Variants in ITPRID2 observed in about 807,000 individuals in gnomAD.
ITPRID2 encodes the protein ITPR interacting domain containing 2.
ITPRID2 carries 60 observed loss-of-function variants against 124.3 expected under a neutral mutation model. That is an observed-to-expected ratio of 0.48 (90% CI 0.39 to 0.60). ITPRID2 has a LOEUF of 0.60. Among genes scored for constraint, ITPRID2 ranks in the 20% least tolerant of loss-of-function variants. The pLI, the probability that ITPRID2 is intolerant of heterozygous loss-of-function variation, is 0.00. For synonymous variants in ITPRID2, 521 were observed against 542.9 expected, an observed-to-expected ratio of 0.96 and a Z score of 0.56; for missense variants, 1,553 against 1,512.2, an observed-to-expected ratio of 1.03 and a Z score of -0.45.
chr2:181,921,327 A>G (rs1335489604), intron 15 of ITPRID2, among the ~76,000 whole-genome samples: 1 of 151,904 alleles, frequency 6.6e-6, no homozygotes, highest in African/African-American at 2.4e-5. Flanking sequence ...AAAATACAAA[A>G]ATTAGCTGGG....
At chr2:181,929,159 G>A (rs1695101301) in intron 17 of ITPRID2, among the ~76,000 whole-genome samples, 1 of 151,290 alleles carries the variant, frequency 6.6e-6, no homozygotes. Flanking sequence ...CTAGCCTCAA[G>A]CGATCCTCCT....
rs147662500 is a variant in ITPRID2 at position 181,921,853 on chromosome 2, T to C, written c.3211-95T>C. On this transcript the variant is annotated intron_variant, in intron 15 of 17. Transcript: ENST00000431877. Reference sequence around the variant, plus strand: ...TAGATTTATGTCTTTACAAATTACATGATTTTAGGCAATAATGACAACCAG... The same window carrying C: ...TAGATTTATGTCTTTACAAATTACACGATTTTAGGCAATAATGACAACCAG... 5.8e-4 allele frequency: 618 copies of C among 1,057,486 alleles called. 3 individuals carry two copies. The highest frequency in any genetic ancestry group is 3.9e-3 in the Middle Eastern group (13 of 3,358). The allele number at this position is 1,057,486 out of a possible 1,614,324, so 65.5% of individuals were successfully genotyped here.
At chr2:181,929,361 G>A (rs1375053424) in intron 17 of ITPRID2, among the ~76,000 whole-genome samples, 200 bp from the exon 18 acceptor site, 1 of 151,930 alleles carries the variant, frequency 6.6e-6, no homozygotes, top group East Asian at 1.9e-4. Flanking sequence ...AATAAATTAT[G>A]TCACAAAGCA....
chr2:181,897,871 TTAGTTC>T (rs1467443245), intron 4 of ITPRID2, among the ~76,000 whole-genome samples: 1 of 151,994 alleles, frequency 6.6e-6, no homozygotes, highest in Non-Finnish European at 1.5e-5. Flanking sequence ...TGCAAATATA[TTAGTTC>T]TTATTATTTC....
At position 181,916,435 on chromosome 2, in the gene ITPRID2, A is replaced by G. The variant is rs1694061742; in HGVS notation, c.2787+8A>G. 2 of 1,608,220 alleles carry G rather than the reference A, an allele frequency of 1.2e-6. No homozygotes were observed. Among genetic ancestry groups the G allele is most frequent in the Non-Finnish European group, 1.7e-6 (2 of 1,176,574 alleles). ...CTGCAGAATCTTTCACAGGTATGAG[A>G]AAAAGTATGTTATCATTAGCTTTTT... On this transcript the variant is annotated splice_region_variant and intron_variant, in intron 11 of 17. Transcript: ENST00000431877.
At chr2:181,895,253 A>G (rs891250912) in intron 2 of ITPRID2, among the ~76,000 whole-genome samples, 1 of 152,058 alleles carries the variant, frequency 6.6e-6, no homozygotes, top group African/African-American at 2.4e-5. Context: ...ATATAAAACA[A>G]TGTGTTTCTT....
In ITPRID2 at chr2:181,922,385, A is replaced by G. The variant is rs199564414; in HGVS notation, c.3648A>G (p.Gln1216=). ...AGGAAATGCATAAAAATGTGGAGCAAGATGAGTTGCAGCAAGTCATACGGG... is the reference window on the plus strand; with the variant it reads ...AGGAAATGCATAAAAATGTGGAGCAGGATGAGTTGCAGCAAGTCATACGGG... ...AAEEMHKNVE[Q]DELQQVIREI... is the part of the protein sequence containing the mutation. The change falls in exon 16 of 18, where the codon CAA becomes CAG. Residue 1216 remains glutamine (Q), a synonymous_variant. Transcript: ENST00000431877. 3.7e-6 allele frequency: 6 copies of G among 1,612,928 alleles called. No homozygotes were observed. The Admixed American group carries it at 6.7e-5, about 18-fold the overall frequency.
intron 6 of ITPRID2, 150 bp downstream of exon 6, chr2:181,899,262 TTTTTG>T (rs59537384): frequency 9.4e-5 from 57 of 609,034 alleles, no homozygotes; most frequent in Admixed American, 5.3e-4. Flanking sequence ...TGATAGGAGC[TTTTTG>T]TTTTGTTTTG....
rs538467257 is a variant in ITPRID2, at chr2:181,929,291, CAA to C, written c.*14-268_*14-267del. Among the ~76,000 whole-genome samples the C allele has an allele frequency of 7.1e-4, 107 of 151,612 alleles. 1 individual carries two copies. In the Middle Eastern group the frequency reaches 0.024, roughly 34 times the overall value. On this transcript the variant is annotated intron_variant, in intron 17 of 17. Transcript: ENST00000431877. ...TATTCATTGAATAAGACATGAGAAACAAATGTAATTTGAAAAGTATAATATAC... is the reference window on the plus strand; with the variant it reads ...TATTCATTGAATAAGACATGAGAAACATGTAATTTGAAAAGTATAATATAC...
rs1694696672 is a variant in ITPRID2, at chr2:181,924,329, A to G, written c.3675+1917A>G. Among the ~76,000 whole-genome samples, 4 of 152,216 alleles carry G rather than the reference A, an allele frequency of 2.6e-5. No individual in the cohort carries two copies. The South Asian group carries it at 8.3e-4, about 32-fold the overall frequency. On this transcript the variant is annotated intron_variant, in intron 16 of 17. Transcript: ENST00000431877. ...TTAGTTACAATAGTTTTCTGTTTAT[A>G]AAGTATTTAAAATTTAGTTTGGTTT...
At chr2:181,923,829 A>G (rs1413328835) in intron 16 of ITPRID2, among the ~76,000 whole-genome samples, 1 of 152,108 alleles carries the variant, frequency 6.6e-6, no homozygotes, top group Non-Finnish European at 1.5e-5. Flanking sequence ...TAATGGCCTG[A>G]TATGTCCTGT....
Position 181,896,943 on chromosome 2 carries a change from G to T in ITPRID2, c.343G>T (p.Asp115Tyr). The change falls in exon 4 of 18, where the codon GAT becomes TAT. Residue 115 changes from aspartate to tyrosine, a missense_variant. By Grantham distance (160) the Asp-to-Tyr change is radical. Transcript: ENST00000431877. The surrounding 1 kb of genome is among the most constrained non-coding windows in gnomAD (Gnocchi z 4.3). ...LVRNGGSFED[D>Y]LSLGAEANHL... is the part of the protein sequence containing the mutation. ...GAGAAATGGAGGAAGTTTTGAAGAT[G>T]ATTTGTCATTGGGAGCTGAAGGTAT... The T allele has an allele frequency of 6.2e-7, 1 of 1,612,690 alleles. No homozygotes were observed. Among genetic ancestry groups the T allele is most frequent in the Non-Finnish European group, 8.5e-7 (1 of 1,178,978 alleles).
chr2:181,929,570 G>A lies in ITPRID2; in HGVS notation c.*23G>A, dbSNP rs374933632. On this transcript the variant is annotated 3_prime_UTR_variant, in exon 18 of 18. Transcript: ENST00000431877. ...TCTTTTCTTTTTTAAGGTTGGCATG[G>A]ATCCTATTAGCTGTGTAATACTGGA... is the stretch of plus-strand genomic sequence containing the variant. 5 of 1,610,778 alleles carry A rather than the reference G, an allele frequency of 3.1e-6. No individual in the cohort carries two copies. Among genetic ancestry groups the A allele is most frequent in the Non-Finnish European group, 4.2e-6 (5 of 1,177,912 alleles).
intron 16 of ITPRID2, among the ~76,000 whole-genome samples, chr2:181,925,274 C>G (rs934997181): frequency 6.6e-6 from 1 of 152,162 alleles, no homozygotes; most frequent in African/African-American, 2.4e-5. Flanking sequence ...GACTTGTAGT[C>G]AGTCTTTTTG....
chr2:181,898,515 T>C (rs1692397242), intron 4 of ITPRID2, among the ~76,000 whole-genome samples: 1 of 152,082 alleles, frequency 6.6e-6, no homozygotes, highest in South Asian at 2.1e-4. Flanking sequence ...ATATTATTCA[T>C]TAATAGCTTT....
intron 2 of ITPRID2, among the ~76,000 whole-genome samples, chr2:181,895,053 G>A (rs1020517604): frequency 2.6e-5 from 4 of 151,964 alleles, no homozygotes; most frequent in East Asian, 3.8e-4. Flanking sequence ...ATTCTTTTAC[G>A]TTTCAAAAGC....
intron 2 of ITPRID2, chr2:181,893,394 G>A (rs895486155): frequency 6.6e-6 from 1 of 152,166 alleles, no homozygotes; most frequent in Non-Finnish European, 1.5e-5. Context: ...ACTTTTGTTG[G>A]TGTTTGCTTT....
Position 181,901,840 on chromosome 2 carries a change from A to C in ITPRID2, c.787A>C (p.Thr263Pro). 1 of 1,613,846 alleles carries C rather than the reference A, an allele frequency of 6.2e-7. No individual in the cohort carries two copies. ...TTCTTTATATTCTCAAGTCTCCGGG[A>C]CGCCCCTGCAGAGAATTGGAAGTAT... Reference protein sequence around the residue: ...FSSLYSQVSGTPLQRIGSMSS... With the variant: ...FSSLYSQVSGPPLQRIGSMSS... The change falls in exon 8 of 18, where the codon ACG becomes CCG. Residue 263 changes from threonine to proline, a missense_variant. By Grantham distance (38) the Thr-to-Pro change is conservative (BLOSUM62 -1). Coordinates refer to ENST00000431877, the MANE Select transcript of ITPRID2 (RefSeq NM_001130445.3).
At position 181,892,770 on chromosome 2, in the gene ITPRID2, A is replaced by G. The variant is rs1691859319; in HGVS notation, c.257+110A>G. 3.8e-6 allele frequency: 5 copies of G among 1,328,658 alleles called. No homozygotes were observed. The highest frequency in any genetic ancestry group is 1.9e-5 in the Admixed American group (1 of 53,918). The allele number at this position is 1,328,658 out of a possible 1,614,324, so 82.3% of individuals were successfully genotyped here. A position where few individuals can be genotyped will look rare whatever the true frequency, so the allele number is the denominator to read the frequency against. On this transcript the variant is annotated intron_variant, in intron 2 of 17. Coordinates refer to ENST00000431877, the MANE Select transcript of ITPRID2 (RefSeq NM_001130445.3). This position sits in a 1 kb window ranked among gnomAD's most constrained non-coding sequence, Gnocchi z 5.2. ...GTGGGTCCCGCGACCGTTGTAAGCT[A>G]CAAACCGGAAAGTGAGCCGGCGGAT...
Sources: allele counts gnomAD v4.1 joint callset (sites outside exome capture counted in the v4.1 genomes callset), GRCh38; gene constraint gnomAD v4.1.1; non-coding constraint Gnocchi (gnomAD v3.1); transcripts MANE v1.5; gene names NCBI Gene and HGNC (gene_info 2026-07-23, HGNC 2026-07-21).